The following EIF4A3 variants were observed in gnomAD, a reference collection of about 807,000 sequenced individuals.
EIF4A3 encodes eukaryotic initiation factor 4A-III.
A neutral mutation model predicts 55.6 loss-of-function variants in EIF4A3; 1 was observed. The observed-to-expected ratio is 0.02, with a 90% CI of 0.01 to 0.09. The LOEUF is 0.09. EIF4A3 is among the 10% of genes least tolerant of loss of function. The probability of loss-of-function intolerance (pLI) is 1.00; values close to 1 mark genes in which losing one functional copy is unlikely to be tolerated. For synonymous variants in EIF4A3, 194 were observed against 196.3 expected (o/e 0.99, Z 0.10); for missense variants, 221 against 540.7 (o/e 0.41, Z 5.86).
chr17:80,135,477 C>A lies in EIF4A3; in HGVS notation c.*13G>T. 6.4e-7 allele frequency: 1 copy of A among 1,556,850 alleles called. No individual in the cohort carries two copies. Among genetic ancestry groups the A allele is most frequent in the Non-Finnish European group, 8.7e-7 (1 of 1,149,616 alleles). On this transcript the variant is annotated 3_prime_UTR_variant, in exon 12 of 12. Coordinates refer to ENST00000649764, the MANE Select transcript of EIF4A3 (RefSeq NM_014740.4). The stretch of plus-strand genomic sequence containing the variant: ...CAGGTGAACAGTCTCCCTCATCCCA[C>A]TGATCTGCTGCTTCAGATAAGATCA...
At chr17:80,136,204 A>G in intron 10 of EIF4A3, 24 bp downstream of exon 10, 1 of 1,613,126 alleles carries the variant, frequency 6.2e-7, no homozygotes. Context: ...ACAGAAGTGA[A>G]GCCAATGAGA....
intron 6 of EIF4A3, 102 bp from the exon 7 acceptor site, chr17:80,139,264 A>T: frequency 2.7e-6 from 4 of 1,479,406 alleles, no homozygotes; most frequent in Non-Finnish European, 2.7e-6. Context: ...CAGAGTGGTG[A>T]TAAGGTACGT....
chr17:80,138,845 T>C, intron 7 of EIF4A3, 176 bp downstream of exon 7: 1 of 804,498 alleles, frequency 1.2e-6, no homozygotes, highest in East Asian at 2.7e-5. Flanking sequence ...TAAAAGAATT[T>C]GCATGCTTTC....
In EIF4A3 at chr17:80,147,100, C is replaced by CCTCGCTGTGCCGCTGCCGAA; in HGVS notation, c.-140_-139insTTCGGCAGCGGCACAGCGAG. ...GCCGACCTCGCTGTGCCGCTGCCGA[C>CCTCGCTGTGCCGCTGCCGAA]CTCGCTGTGCCGCTGCCGACCTCGC... On this transcript the variant is annotated 5_prime_UTR_variant, in exon 1 of 12. Transcript: ENST00000649764. 1 of 1,231,690 alleles carries CCTCGCTGTGCCGCTGCCGAA rather than the reference C, an allele frequency of 8.1e-7. No individual in the cohort carries two copies. 76.3% of individuals were successfully genotyped at this position (1,231,690 alleles called of 1,614,324 possible). A position where few individuals can be genotyped will look rare whatever the true frequency, so the allele number is the denominator to read the frequency against.
At chr17:80,141,879 G>A in intron 2 of EIF4A3, 31 bp from the exon 3 acceptor site, 1 of 1,604,610 alleles carries the variant, frequency 6.2e-7, no homozygotes, top group East Asian at 2.2e-5. Flanking sequence ...AGTGGGATTA[G>A]AGGGAGGACA....
chr17:80,146,849 G>A lies in EIF4A3; in HGVS notation c.113C>T (p.Pro38Leu). The change falls in exon 1 of 12, where the codon CCC (proline) becomes CTC (leucine). Residue 38 changes from proline (P) to leucine (L), a missense_variant. Transcript: ENST00000649764. ...FETSEEVDVT[P>L]TFDTMGLRED... ...CCGCAGGCCCATGGTGTCGAACGTG[G>A]GGGTCACATCCACCTCCTCGCTGGT... The A allele has an allele frequency of 6.2e-7, 1 of 1,611,824 alleles. No individual in the cohort carries two copies. The highest frequency in any genetic ancestry group is 1.1e-5 in the South Asian group (1 of 91,050).
intron 7 of EIF4A3, 142 bp downstream of exon 7, chr17:80,138,879 G>T: frequency 1.8e-6 from 2 of 1,109,858 alleles, no homozygotes; most frequent in Non-Finnish European, 2.6e-6. Context: ...TCAGGCAAGA[G>T]GATAGCCTGA....
chr17:80,135,808 T>C (rs745440794), intron 11 of EIF4A3, 196 bp downstream of exon 11: 15 of 662,892 alleles, frequency 2.3e-5, no homozygotes, highest in African/African-American at 5.5e-5. Context: ...GGCAGGAGAA[T>C]TGCTTGAACC....
intron 8 of EIF4A3, 175 bp from the exon 9 acceptor site, chr17:80,137,676 G>A: frequency 1.7e-6 from 1 of 584,632 alleles, no homozygotes; most frequent in South Asian, 2.1e-5. Context: ...AAATGTTGGG[G>A]TGCACTCACA....
chr17:80,146,700 C>G, intron 1 of EIF4A3, 93 bp downstream of exon 1: 1 of 1,429,272 alleles, frequency 7.0e-7, no homozygotes, highest in Non-Finnish European at 9.2e-7. Flanking sequence ...CTCCGGAGCG[C>G]AGGGCCGGCC....
At chr17:80,136,433 G>T in intron 9 of EIF4A3, 98 bp from the exon 10 acceptor site, 1 of 940,474 alleles carries the variant, frequency 1.1e-6, no homozygotes, top group Non-Finnish European at 1.6e-6. Flanking sequence ...CTGGCTGCAG[G>T]TCCAAAATAT....
chr17:80,135,515 G>T lies in EIF4A3; in HGVS notation c.1220-9C>A. On this transcript the variant is annotated splice_polypyrimidine_tract_variant and intron_variant, in intron 11 of 11. Transcript: ENST00000649764. ...TCAGATAAGATCAGCAACTGAAAGTGAAGAAAGAAACAGATTAAGGAACAA... is the reference window on the plus strand; with the variant it reads ...TCAGATAAGATCAGCAACTGAAAGTTAAGAAAGAAACAGATTAAGGAACAA... 13 of 1,555,266 alleles carry T rather than the reference G, an allele frequency of 8.4e-6. No individual in the cohort carries two copies. Among genetic ancestry groups the T allele is most frequent in the East Asian group, 2.4e-5 (1 of 41,782 alleles).
intron 2 of EIF4A3, 57 bp from the exon 3 acceptor site, chr17:80,141,905 G>T: frequency 2.1e-6 from 3 of 1,446,062 alleles, no homozygotes; most frequent in Non-Finnish European, 1.9e-6. Context: ...CGCCACAGCT[G>T]CACTCCAAGG....
At chr17:80,141,496 A>G (rs1240228143) in intron 3 of EIF4A3, 115 bp from the exon 4 acceptor site, 6 of 1,112,318 alleles carry the variant, frequency 5.4e-6, no homozygotes. Context: ...CATACTTCTC[A>G]TCTCTTACAG....
rs1205050349 is a variant in EIF4A3, at chr17:80,137,518, C to G, written c.868-17G>C. 1.2e-6 allele frequency: 2 copies of G among 1,603,394 alleles called. No individual in the cohort carries two copies. The highest frequency in any genetic ancestry group is 1.7e-5 in the Admixed American group (1 of 59,514). On this transcript the variant is annotated splice_polypyrimidine_tract_variant and intron_variant, in intron 8 of 11. Transcript: ENST00000649764. Reference sequence around the variant, plus strand: ...CCAGTCCACCTACAAATCCAATCAACAGATGCTACTGCAAGCTAGTATACC... The same window carrying G: ...CCAGTCCACCTACAAATCCAATCAAGAGATGCTACTGCAAGCTAGTATACC...
At chr17:80,135,946 CA>C in intron 11 of EIF4A3, 57 bp downstream of exon 11, 4 of 1,566,384 alleles carry the variant, frequency 2.6e-6, no homozygotes, top group East Asian at 2.3e-5. Flanking sequence ...TCAGGTGCCC[CA>C]AACTAAGAAT....
chr17:80,135,344 T>G lies in EIF4A3; in HGVS notation c.*146A>C. Reference sequence around the variant, plus strand: ...ATAAGAAAAGAGAGCAGAATCCCCATATCCTCTTCAAAGGAAGGGAGACGG... The same window carrying G: ...ATAAGAAAAGAGAGCAGAATCCCCAGATCCTCTTCAAAGGAAGGGAGACGG... On this transcript the variant is annotated 3_prime_UTR_variant, in exon 12 of 12. Transcript: ENST00000649764. The G allele has an allele frequency of 7.7e-6, 6 of 774,822 alleles. No individual in the cohort carries two copies. Among genetic ancestry groups the G allele is most frequent in the Non-Finnish European group, 1.2e-5 (6 of 499,390 alleles). The allele number at this position is 774,822 out of a possible 1,614,324, so 48.0% of individuals were successfully genotyped here.
chr17:80,147,120 C>CCTCGCTGTGCCGCTGCCGAT lies in EIF4A3; in HGVS notation c.-160_-159insATCGGCAGCGGCACAGCGAG, dbSNP rs2039676382. The CCTCGCTGTGCCGCTGCCGAT allele has an allele frequency of 1.3e-5, 14 of 1,055,366 alleles. No homozygotes were observed. Among genetic ancestry groups the CCTCGCTGTGCCGCTGCCGAT allele is most frequent in the Non-Finnish European group, 1.6e-5 (13 of 796,652 alleles). The allele number at this position is 1,055,366 out of a possible 1,614,324, so 65.4% of individuals were successfully genotyped here. Reference sequence around the variant, plus strand: ...GCCGACCTCGCTGTGCCGCTGCCGACCTCGCTGTGCCGCTGCCGAGAACAG... The same window carrying CCTCGCTGTGCCGCTGCCGAT: ...GCCGACCTCGCTGTGCCGCTGCCGACCTCGCTGTGCCGCTGCCGATCTCGCTGTGCCGCTGCCGAGAACAG... On this transcript the variant is annotated 5_prime_UTR_variant, in exon 1 of 12. Coordinates refer to ENST00000649764, the MANE Select transcript of EIF4A3 (RefSeq NM_014740.4).
chr17:80,141,977 T>A, intron 2 of EIF4A3, 129 bp from the exon 3 acceptor site: 1 of 647,448 alleles, frequency 1.5e-6, no homozygotes, highest in Non-Finnish European at 2.7e-6. Flanking sequence ...AATAACATCT[T>A]AACTGCGAGG....
Sources: gnomAD v4.1 joint callset for allele counts on GRCh38, gnomAD v4.1.1 for gene constraint, MANE v1.5 for transcripts, NCBI Gene and HGNC (gene_info 2026-07-23, HGNC 2026-07-21) for gene names.